The following NPSR1 variants were observed in gnomAD, a reference collection of about 807,000 sequenced individuals.
The protein encoded by NPSR1 is neuropeptide S receptor 1, also known as neuropeptide S receptor.
A neutral mutation model predicts 46.9 loss-of-function variants in NPSR1; 48 were observed. The observed-to-expected ratio is 1.02, with a 90% CI of 0.81 to 1.30. The LOEUF (loss-of-function observed/expected upper bound fraction) is 1.30. Among genes scored for constraint, NPSR1 ranks in the 50% most tolerant of loss-of-function variants. The probability of loss-of-function intolerance (pLI) is 0.00; values close to 1 mark genes in which losing one functional copy is unlikely to be tolerated. For synonymous variants in NPSR1, 176 were observed against 168.1 expected (o/e 1.05, Z -0.36); for missense variants, 450 against 449.5 (o/e 1.00, Z -0.01).
chr7:34,715,300 G>T (rs762619503), intron 2 of NPSR1, among the ~76,000 whole-genome samples: 4 of 152,204 alleles, frequency 2.6e-5, no homozygotes, highest in Non-Finnish European at 5.9e-5. Flanking sequence ...GAGAATGTGA[G>T]CCCAGAAAGT....
chr7:34,765,146 T>C (rs1786370649), intron 2 of NPSR1, among the ~76,000 whole-genome samples: 2 of 152,186 alleles, frequency 1.3e-5, no homozygotes, highest in East Asian at 1.9e-4. Flanking sequence ...ATTGATTTAA[T>C]ACCCCACTCT....
chr7:34,803,803 T>C (rs1584058195), intron 3 of NPSR1, among the ~76,000 whole-genome samples: 2 of 144,374 alleles, frequency 1.4e-5, no homozygotes, highest in Non-Finnish European at 1.5e-5. Flanking sequence ...ATATCAGAAA[T>C]GAAAGAGGGG....
At chr7:34,733,028 T>A (rs758891083) in intron 2 of NPSR1, among the ~76,000 whole-genome samples, 2 of 152,238 alleles carry the variant, frequency 1.3e-5, no homozygotes, top group Non-Finnish European at 2.9e-5. Flanking sequence ...TTTTAATAAT[T>A]TCTTGAACCA....
intron 2 of NPSR1, among the ~76,000 whole-genome samples, chr7:34,764,816 T>C (rs1178613158): frequency 6.6e-6 from 1 of 152,120 alleles, no homozygotes; most frequent in Non-Finnish European, 1.5e-5. Context: ...AGGCAGGAGT[T>C]TGATTTTCAT....
At chr7:34,690,606 T>C (rs1793201054) in intron 2 of NPSR1, among the ~76,000 whole-genome samples, 1 of 152,154 alleles carries the variant, frequency 6.6e-6, no homozygotes, top group Admixed American at 6.5e-5. Context: ...GCTTCAACAA[T>C]AGGCTAGACC....
intron 8 of NPSR1, among the ~76,000 whole-genome samples, chr7:34,873,964 A>G (rs1791519168): frequency 6.6e-6 from 1 of 151,692 alleles, no homozygotes; most frequent in South Asian, 2.1e-4. Flanking sequence ...ATTGATAACT[A>G]AAGTTATAAC....
chr7:34,710,160 T>C (rs1165497598), intron 2 of NPSR1, among the ~76,000 whole-genome samples: 1 of 152,226 alleles, frequency 6.6e-6, no homozygotes, highest in East Asian at 1.9e-4. Context: ...CAGTCTCAAA[T>C]TGCTGTATCC....
Position 34,834,392 on chromosome 7 carries a change from A to G in NPSR1, c.689A>G (p.Tyr230Cys). The change falls in exon 6 of 9, where the codon TAT (tyrosine) becomes TGT (cysteine). Residue 230 changes from tyrosine (Y) to cysteine (C), a missense_variant. By Grantham distance (194) the Tyr-to-Cys change is radical (BLOSUM62 -2). Coordinates refer to ENST00000360581, the MANE Select transcript of NPSR1 (RefSeq NM_207172.2). Reference sequence around the variant, plus strand: ...TTTGGTTCTTTCTGCAGCATCATGTATGGCATTGTGATCCGAACTATTTGG... The same window carrying G: ...TTTGGTTCTTTCTGCAGCATCATGTGTGGCATTGTGATCCGAACTATTTGG... Reference protein sequence around the residue: ...FIPLTIISIMYGIVIRTIWIK... With the variant: ...FIPLTIISIMCGIVIRTIWIK... 6 of 1,613,176 alleles carry G rather than the reference A, an allele frequency of 3.7e-6. No individual in the cohort carries two copies. Among genetic ancestry groups the G allele is most frequent in the Non-Finnish European group, 4.2e-6 (5 of 1,179,110 alleles).
rs556796725 is a variant in NPSR1, at chr7:34,752,013, T to G, written c.281-26449T>G. On this transcript the variant is annotated intron_variant, in intron 2 of 8. Transcript: ENST00000360581. ...GATGTTGGCGATGGCATGGCACACC[T>G]GCTGGGCCAGCCGGTAGTCCTGTGG... is the stretch of plus-strand genomic sequence containing the variant. 13 of 775,538 alleles carry G rather than the reference T, an allele frequency of 1.7e-5. No individual in the cohort carries two copies. The South Asian group carries it at 1.9e-4, about 11-fold the overall frequency. 48.0% of individuals were successfully genotyped at this position (775,538 alleles called of 1,614,324 possible). A position where few individuals can be genotyped will look rare whatever the true frequency, so the allele number is the denominator to read the frequency against.
At chr7:34,713,064 A>C (rs75765711) in intron 2 of NPSR1, among the ~76,000 whole-genome samples, 1,749 of 152,310 alleles carry the variant, frequency 0.011, 34 homozygotes, top group African/African-American at 0.04. Context: ...GATTACAAGC[A>C]GGTGTAATCT....
At chr7:34,732,715 A>T (rs1488263067) in intron 2 of NPSR1, among the ~76,000 whole-genome samples, 1 of 152,170 alleles carries the variant, frequency 6.6e-6, no homozygotes, top group Non-Finnish European at 1.5e-5. Context: ...CTCATGCTTG[A>T]AAGGTAGGGT....
exon 9 of NPSR1, chr7:34,878,270 A>C (rs1791623477): frequency 4.1e-6 from 3 of 733,744 alleles, no homozygotes; most frequent in South Asian, 1.7e-5. Flanking sequence ...AGTGGTTCCC[A>C]AAATGGGTCA....
At chr7:34,674,944 T>C (rs545087031) in intron 1 of NPSR1, among the ~76,000 whole-genome samples, 1 of 152,270 alleles carries the variant, frequency 6.6e-6, no homozygotes, top group Admixed American at 6.5e-5. Flanking sequence ...CCCTTGAAAA[T>C]TGAAAGTAAA....
intron 3 of NPSR1, among the ~76,000 whole-genome samples, chr7:34,799,164 G>A (rs190954313): frequency 2.6e-5 from 4 of 152,184 alleles, no homozygotes; most frequent in African/African-American, 9.6e-5. Context: ...GTAAGTATGT[G>A]AGGTAATGAA....
intron 2 of NPSR1, among the ~76,000 whole-genome samples, chr7:34,699,021 A>G (rs1427210729): frequency 6.6e-6 from 1 of 152,188 alleles, no homozygotes; most frequent in Non-Finnish European, 1.5e-5. Context: ...AAAAGTCAAG[A>G]TAAGCACATA....
downstream of NPSR1, among the ~76,000 whole-genome samples, chr7:34,854,141 T>C (rs769158156): frequency 3.3e-5 from 5 of 152,088 alleles, no homozygotes; most frequent in Non-Finnish European, 7.4e-5. Flanking sequence ...GGGTCATCAC[T>C]AAAATAGTAG....
chr7:34,708,351 C>A (rs183807771), intron 2 of NPSR1, among the ~76,000 whole-genome samples: 1 of 152,268 alleles, frequency 6.6e-6, no homozygotes, highest in Admixed American at 6.5e-5. Flanking sequence ...TTGAACTAAT[C>A]CATGGAACAA....
At chr7:34,808,127 C>T (rs1258967270) in intron 3 of NPSR1, among the ~76,000 whole-genome samples, 1 of 152,106 alleles carries the variant, frequency 6.6e-6, no homozygotes, top group Non-Finnish European at 1.5e-5. Flanking sequence ...GGTCACACGC[C>T]AAGGACTGCT....
chr7:34,667,358 AG>A (rs1333638284), intron 1 of NPSR1, among the ~76,000 whole-genome samples: 1 of 152,216 alleles, frequency 6.6e-6, no homozygotes, highest in African/African-American at 2.4e-5. Flanking sequence ...AAAGGGGGGT[AG>A]TCATGGAGGA....
Sources: allele counts gnomAD v4.1 joint callset (sites outside exome capture counted in the v4.1 genomes callset), GRCh38; gene constraint gnomAD v4.1.1; transcripts MANE v1.5; gene names NCBI Gene and HGNC (gene_info 2026-07-23, HGNC 2026-07-21).